MTUS2: variants seen among roughly 807,000 people sequenced by gnomAD.
MTUS2 encodes the protein microtubule-associated tumor suppressor candidate 2.
In MTUS2, 40 loss-of-function variants were observed where a neutral mutation model predicts 114.1. The observed-to-expected ratio is 0.35, with a 90% CI of 0.27 to 0.46. MTUS2 has a LOEUF of 0.46. Ranked by LOEUF, MTUS2 falls within the 20% of genes least tolerant of loss-of-function variation. The pLI, the probability that MTUS2 is intolerant of heterozygous loss-of-function variation, is 1.00. For synonymous variants in MTUS2, 688 were observed against 672.0 expected (o/e 1.02, Z -0.37); for missense variants, 1,679 against 1,705.4 (o/e 0.98, Z 0.27).
chr13:28,950,846 G>T (rs1442422861), intron 2 of MTUS2, among the ~76,000 whole-genome samples: 1 of 152,168 alleles, frequency 6.6e-6, no homozygotes, highest in Non-Finnish European at 1.5e-5. Context: ...CATGAAGTGA[G>T]CACATGTGCC....
intron 5 of MTUS2, among the ~76,000 whole-genome samples, chr13:29,244,130 G>A (rs1284512574): frequency 1.3e-5 from 2 of 152,186 alleles, no homozygotes; most frequent in Admixed American, 6.5e-5. Context: ...TCCATGGCTT[G>A]AGAAAGGAGA....
intron 2 of MTUS2, among the ~76,000 whole-genome samples, chr13:28,915,024 A>G (rs950939649): frequency 4.6e-5 from 7 of 151,828 alleles, no homozygotes; most frequent in Non-Finnish European, 8.8e-5. Flanking sequence ...CAGGATACCA[A>G]TGGGGCTCGA....
intron 1 of MTUS2, among the ~76,000 whole-genome samples, chr13:28,833,080 A>AT (rs142959313): frequency 6.6e-6 from 1 of 152,254 alleles, no homozygotes; most frequent in Non-Finnish European, 1.5e-5. Context: ...GTAATCAAAT[A>AT]TTTTTCCATG....
At chr13:28,933,867 C>T (rs1437196348) in intron 2 of MTUS2, among the ~76,000 whole-genome samples, 1 of 152,206 alleles carries the variant, frequency 6.6e-6, no homozygotes, top group Admixed American at 6.5e-5. Flanking sequence ...ATGAGAATAG[C>T]CATTGGTCAA....
intron 5 of MTUS2, among the ~76,000 whole-genome samples, 157 bp downstream of exon 5, chr13:29,101,127 C>G (rs191416077): frequency 1.2e-4 from 19 of 152,076 alleles, no homozygotes; most frequent in African/African-American, 3.9e-4. Flanking sequence ...GAAAAATAGC[C>G]CATTTGACAC....
chr13:29,034,279 A>G (rs1188208309), intron 4 of MTUS2, among the ~76,000 whole-genome samples, 154 bp downstream of exon 4: 1 of 152,186 alleles, frequency 6.6e-6, no homozygotes, highest in Non-Finnish European at 1.5e-5. Flanking sequence ...GACATTTGTG[A>G]AACTCATCTG....
chr13:29,498,635 AC>A lies in MTUS2; in HGVS notation c.3798+100del. On this transcript the variant is annotated intron_variant, in intron 14 of 15. Coordinates refer to ENST00000612955, the MANE Select transcript of MTUS2 (RefSeq NM_001033602.4). Reference sequence around the variant, plus strand: ...TGGTGTTCAGCCAGGTGTGTCCCTTACCTGCCCATTGCTTACACCCAAGCAG... The same window carrying A: ...TGGTGTTCAGCCAGGTGTGTCCCTTACTGCCCATTGCTTACACCCAAGCAG... 5.3e-6 allele frequency: 8 copies of A among 1,506,264 alleles called. No homozygotes were observed. The South Asian group carries it at 8.9e-5, about 17-fold the overall frequency. 93.3% of individuals were successfully genotyped at this position (1,506,264 alleles called of 1,614,324 possible).
At chr13:28,868,521 G>A (rs1363023864) in intron 2 of MTUS2, among the ~76,000 whole-genome samples, 2 of 152,142 alleles carry the variant, frequency 1.3e-5, no homozygotes, top group African/African-American at 2.4e-5. Context: ...TTCATCAGCA[G>A]GAGAATTCAG....
At chr13:29,111,698 T>C (rs2138864600) in intron 5 of MTUS2, among the ~76,000 whole-genome samples, 1 of 152,338 alleles carries the variant, frequency 6.6e-6, no homozygotes, top group East Asian at 1.9e-4. Context: ...ATAGGCCATC[T>C]TCTGGGAAGG....
chr13:29,137,986 G>A (rs1037601497), intron 5 of MTUS2, among the ~76,000 whole-genome samples: 4 of 152,148 alleles, frequency 2.6e-5, no homozygotes, highest in Non-Finnish European at 4.4e-5. Context: ...ATGAGCAGGA[G>A]GGGGAACAAC....
intron 5 of MTUS2, among the ~76,000 whole-genome samples, chr13:29,245,758 A>G (rs1399092518): frequency 1.4e-5 from 2 of 141,598 alleles, no homozygotes; most frequent in Non-Finnish European, 3.0e-5. Flanking sequence ...GTGCAGTGGC[A>G]CGACCTCCGC....
At chr13:29,378,737 C>T (rs920196747) in intron 8 of MTUS2, among the ~76,000 whole-genome samples, 4 of 152,184 alleles carry the variant, frequency 2.6e-5, no homozygotes, top group African/African-American at 9.7e-5. Context: ...CTGTTTTGCA[C>T]CTCCTGCCTC....
intron 5 of MTUS2, among the ~76,000 whole-genome samples, chr13:29,173,422 G>T (rs1316503705): frequency 1.3e-5 from 2 of 152,136 alleles, no homozygotes; most frequent in African/African-American, 2.4e-5. Context: ...CAATTCAGAA[G>T]TTTATGTGAC....
chr13:29,124,540 A>G (rs568002503), intron 5 of MTUS2, among the ~76,000 whole-genome samples: 1 of 152,208 alleles, frequency 6.6e-6, no homozygotes, highest in Admixed American at 6.5e-5. Flanking sequence ...CAAAAAATTA[A>G]AAGTAGAATT....
chr13:28,833,022 G>T (rs1276188505), intron 1 of MTUS2, among the ~76,000 whole-genome samples: 1 of 152,066 alleles, frequency 6.6e-6, no homozygotes, highest in African/African-American at 2.4e-5. Context: ...GACTCAAGAA[G>T]AAAGGGCAGA....
At chr13:29,181,637 A>G (rs981342891) in intron 5 of MTUS2, among the ~76,000 whole-genome samples, 1 of 152,154 alleles carries the variant, frequency 6.6e-6, no homozygotes, top group African/African-American at 2.4e-5. Flanking sequence ...GGATCAAAAC[A>G]AACTTTTACT....
At chr13:29,392,174 G>C (rs1593393479) in intron 8 of MTUS2, among the ~76,000 whole-genome samples, 1 of 147,118 alleles carries the variant, frequency 6.8e-6, no homozygotes, top group African/African-American at 2.5e-5. Context: ...AAAAACACTT[G>C]TTATCTTTCC....
chr13:29,349,736 T>C (rs1869061552), intron 7 of MTUS2, among the ~76,000 whole-genome samples: 1 of 152,314 alleles, frequency 6.6e-6, no homozygotes, highest in South Asian at 2.1e-4. Context: ...CTGCTGTTAT[T>C]CTTATCTTTG....
intron 11 of MTUS2, among the ~76,000 whole-genome samples, chr13:29,488,752 C>T (rs753272318): frequency 1.3e-5 from 2 of 152,228 alleles, no homozygotes; most frequent in Admixed American, 6.5e-5. Context: ...CACTCATAGA[C>T]CACATTCACC....
Sources: gnomAD v4.1 joint callset for allele counts (sites outside exome capture counted in the v4.1 genomes callset) on GRCh38, gnomAD v4.1.1 for gene constraint, MANE v1.5 for transcripts, NCBI Gene and HGNC (gene_info 2026-07-23, HGNC 2026-07-21) for gene names.